ST8SIA6: variants seen among roughly 807,000 people sequenced by gnomAD.
ST8SIA6 encodes ST8 alpha-N-acetyl-neuraminide alpha-2,8-sialyltransferase 6.
ST8SIA6 carries 39 observed loss-of-function variants against 33.6 expected under a neutral mutation model. The observed-to-expected ratio is 1.16, with a 90% CI of 0.90 to 1.52. The LOEUF is 1.52. Among genes scored for constraint, ST8SIA6 ranks in the 40% most tolerant of loss-of-function variants. The pLI, the probability that ST8SIA6 is intolerant of heterozygous loss-of-function variation, is 0.00. For synonymous variants in ST8SIA6, 172 were observed against 167.2 expected (o/e 1.03, Z -0.22); for missense variants, 441 against 443.8 (o/e 0.99, Z 0.06).
At chr10:17,335,392 T>C (rs1848467974) in intron 4 of ST8SIA6, among the ~76,000 whole-genome samples, 2 of 152,206 alleles carry the variant, frequency 1.3e-5, no homozygotes, top group African/African-American at 4.8e-5. Flanking sequence ...TTTGCCCTTT[T>C]GCAAAAATAC....
intron 2 of ST8SIA6, among the ~76,000 whole-genome samples, chr10:17,396,898 G>C (rs999982334): frequency 6.6e-6 from 1 of 152,174 alleles, no homozygotes; most frequent in African/African-American, 2.4e-5. Flanking sequence ...TGACCCCTGA[G>C]GGTATTTGAA....
intron 3 of ST8SIA6, among the ~76,000 whole-genome samples, chr10:17,380,548 A>C (rs565571215): frequency 6.6e-6 from 1 of 152,240 alleles, no homozygotes; most frequent in African/African-American, 2.4e-5. Context: ...TTTTAACTAC[A>C]AAAGGGGCTT....
chr10:17,390,190 T>C (rs1000791614), intron 3 of ST8SIA6, among the ~76,000 whole-genome samples: 5 of 152,148 alleles, frequency 3.3e-5, no homozygotes, highest in Non-Finnish European at 7.3e-5. Context: ...GCTATGTTGC[T>C]AAGCCTGGTC....
rs55996465 is a variant in ST8SIA6, at chr10:17,347,953, C to CAAAAAAAAAAAAAAAAAAAAAAAAAAA, written c.377+11560_377+11561insTTTTTTTTTTTTTTTTTTTTTTTTTTT. ...CCTAGGCGATGGTGAGACTCTGTCT[C>CAAAAAAAAAAAAAAAAAAAAAAAAAAA]AAAAAAAAAAAAAAAAAAAAAATTA... is the stretch of plus-strand genomic sequence containing the variant. On this transcript the variant is annotated intron_variant, in intron 4 of 7. Transcript: ENST00000377602. Among the ~76,000 whole-genome samples, 21 of 68,630 alleles carry CAAAAAAAAAAAAAAAAAAAAAAAAAAA rather than the reference C, an allele frequency of 3.1e-4. 1 individual carries two copies. Among genetic ancestry groups the CAAAAAAAAAAAAAAAAAAAAAAAAAAA allele is most frequent in the East Asian group, 8.2e-4 (2 of 2,440 alleles). The allele number at this position is 68,630 out of a possible 152,430, so 45.0% of individuals were successfully genotyped here.
At chr10:17,331,912 A>G (rs181395469) in intron 4 of ST8SIA6, among the ~76,000 whole-genome samples, 10 of 152,214 alleles carry the variant, frequency 6.6e-5, no homozygotes, top group Middle Eastern at 3.4e-3. Flanking sequence ...TAAGCCCCAC[A>G]TGCATTAGGT....
intron 2 of ST8SIA6, among the ~76,000 whole-genome samples, chr10:17,397,233 GT>G (rs34049805): frequency 1.6e-5 from 2 of 124,242 alleles, no homozygotes; most frequent in Non-Finnish European, 1.6e-5. Flanking sequence ...ATTGTTTTTT[GT>G]TTTTTTTTTT....
At chr10:17,322,283 G>A (rs952284113) in intron 7 of ST8SIA6, among the ~76,000 whole-genome samples, 2 of 150,908 alleles carry the variant, frequency 1.3e-5, no homozygotes, top group Non-Finnish European at 3.0e-5. Context: ...AAGGAGGGAG[G>A]AAGGAAGGAA....
At chr10:17,448,592 T>TTTG (rs1202924895) in intron 2 of ST8SIA6, among the ~76,000 whole-genome samples, 5 of 147,248 alleles carry the variant, frequency 3.4e-5, no homozygotes, top group African/African-American at 1.3e-4. Context: ...TGGCAGGGTT[T>TTTG]TTATTGTTGT....
intron 2 of ST8SIA6, among the ~76,000 whole-genome samples, chr10:17,433,771 G>T (rs1453124547): frequency 1.3e-5 from 2 of 152,190 alleles, no homozygotes; most frequent in Admixed American, 6.5e-5. Flanking sequence ...AAAGCCTTCA[G>T]TAGAGTCTCA....
intron 2 of ST8SIA6, among the ~76,000 whole-genome samples, chr10:17,402,837 A>T (rs45498899): frequency 0.022 from 3,391 of 152,296 alleles, 53 homozygotes; most frequent in Non-Finnish European, 0.032. Context: ...TGACAAATTA[A>T]TGGGTGCAGC....
chr10:17,363,424 T>C (rs1033707249), intron 3 of ST8SIA6, among the ~76,000 whole-genome samples: 13 of 152,196 alleles, frequency 8.5e-5, no homozygotes, highest in African/African-American at 3.1e-4. Context: ...TTAGTTCACA[T>C]AGGAAATTGA....
intron 4 of ST8SIA6, among the ~76,000 whole-genome samples, chr10:17,349,921 C>A (rs945709254): frequency 3.4e-5 from 5 of 145,856 alleles, no homozygotes; most frequent in African/African-American, 7.7e-5. Context: ...TTAACCAGGT[C>A]TGTAAATTAA....
intron 2 of ST8SIA6, among the ~76,000 whole-genome samples, chr10:17,443,488 C>A (rs1312632272): frequency 6.6e-6 from 1 of 152,066 alleles, no homozygotes; most frequent in Non-Finnish European, 1.5e-5. Flanking sequence ...TTTACAATAA[C>A]AACAATAACT....
intron 3 of ST8SIA6, among the ~76,000 whole-genome samples, chr10:17,377,787 C>T (rs548566169): frequency 6.6e-6 from 1 of 152,282 alleles, no homozygotes; most frequent in South Asian, 2.1e-4. Flanking sequence ...AAGTCTTTAA[C>T]AGACCATGAC....
rs372740491 is a variant in ST8SIA6, at chr10:17,321,005, T to C, written c.1070A>G (p.His357Arg). 1.2e-6 allele frequency: 2 copies of C among 1,613,980 alleles called. No individual in the cohort carries two copies. Among genetic ancestry groups the C allele is most frequent in the African/African-American group, 1.3e-5 (1 of 74,922 alleles). The change falls in exon 8 of 8, where the codon CAT becomes CGT. Residue 357 changes from histidine to arginine, a missense_variant. By Grantham distance (29) the His-to-Arg change is conservative (BLOSUM62 0). Transcript: ENST00000377602. ...AGGTAGCTTGTTGTCATAATAGTGA[T>C]GGCTGACAGGTATGTCTTCTACAGT... ...SKTVEDIPVS[H>R]HYYDNKLPKH...
chr10:17,403,009 T>TATGA (rs1389515109), intron 2 of ST8SIA6, among the ~76,000 whole-genome samples: 1 of 152,190 alleles, frequency 6.6e-6, no homozygotes, highest in Non-Finnish European at 1.5e-5. Context: ...AAATTTTCCC[T>TATGA]ACACCATGAA....
At chr10:17,355,208 G>A (rs564966110) in intron 4 of ST8SIA6, among the ~76,000 whole-genome samples, 23 of 152,246 alleles carry the variant, frequency 1.5e-4, no homozygotes, top group Non-Finnish European at 1.5e-4. Context: ...CCAAGCAAAA[G>A]GTCTTCTGTA....
At position 17,363,894 on chromosome 10, in the gene ST8SIA6, AG is replaced by A. The variant is rs1289505311; in HGVS notation, c.291-4295del. 5.3e-5 allele frequency among the ~76,000 whole-genome samples: 8 copies of A among 152,250 alleles called. No homozygotes were observed. The East Asian group carries it at 1.2e-3, about 22-fold the overall frequency. On this transcript the variant is annotated intron_variant, in intron 3 of 7. Coordinates refer to ENST00000377602, the MANE Select transcript of ST8SIA6 (RefSeq NM_001004470.3). ...ACTCATTCATTATCCCCATAGTTTG[AG>A]CTTCATTGAGGCTTGCTGAAAAGGC...
rs569240104 is a variant in ST8SIA6, at chr10:17,388,446, G to A, written c.290+2085C>T. ...TCAAACTCCAACACCCCCAGGGAAG[G>A]GAAGGAATGGATTAGAGGCAGCTGT... On this transcript the variant is annotated intron_variant, in intron 3 of 7. Coordinates refer to ENST00000377602, the MANE Select transcript of ST8SIA6 (RefSeq NM_001004470.3). Among the ~76,000 whole-genome samples, 8 of 152,268 alleles carry A rather than the reference G, an allele frequency of 5.3e-5. No homozygotes were observed. The East Asian group carries it at 1.4e-3, about 26-fold the overall frequency.
Sources: gnomAD v4.1 joint callset for allele counts (sites outside exome capture counted in the v4.1 genomes callset) on GRCh38, gnomAD v4.1.1 for gene constraint, MANE v1.5 for transcripts, NCBI Gene and HGNC (gene_info 2026-07-23, HGNC 2026-07-21) for gene names.